The following DSCAM variants were observed in gnomAD, a reference collection of about 807,000 sequenced individuals.
The protein encoded by DSCAM is DS cell adhesion molecule, also known as cell adhesion molecule DSCAM.
In DSCAM, 47 loss-of-function variants were observed where a neutral mutation model predicts 217.7. That is an observed-to-expected ratio of 0.22 (90% CI 0.17 to 0.28). The LOEUF is 0.28. Ranked by LOEUF, DSCAM falls within the 10% of genes least tolerant of loss-of-function variation. DSCAM has a pLI of 1.00. For synonymous variants in DSCAM, 1,056 were observed against 1,015.3 expected, an observed-to-expected ratio of 1.04 and a Z score of -0.76; for missense variants, 2,080 against 2,618.3, an observed-to-expected ratio of 0.79 and a Z score of 4.49.
intron 18 of DSCAM, among the ~76,000 whole-genome samples, chr21:40,139,252 CCA>C (rs529001872): frequency 7.3e-5 from 11 of 151,708 alleles, no homozygotes; most frequent in Non-Finnish European, 1.6e-4. Flanking sequence ...GAGGACGTAC[CCA>C]CAACACAGCT....
intron 3 of DSCAM, among the ~76,000 whole-genome samples, chr21:40,498,634 A>G (rs952622617): frequency 4.6e-5 from 6 of 129,676 alleles, no homozygotes; most frequent in African/African-American, 1.4e-4. Context: ...CACTATGTAT[A>G]TATATATATA....
chr21:40,687,813 C>T (rs2090497369), intron 3 of DSCAM, among the ~76,000 whole-genome samples: 1 of 152,158 alleles, frequency 6.6e-6, no homozygotes, highest in Non-Finnish European at 1.5e-5. Flanking sequence ...AGGGACAGTG[C>T]AGGAATCTCC....
chr21:40,437,298 A>C (rs923652879), intron 3 of DSCAM, among the ~76,000 whole-genome samples: 10 of 152,128 alleles, frequency 6.6e-5, no homozygotes, highest in Non-Finnish European at 1.3e-4. Context: ...AAGAATCACA[A>C]GGGGGATTCA....
At chr21:40,039,317 AAAAG>A (rs2088698431) in intron 32 of DSCAM, among the ~76,000 whole-genome samples, 5 of 152,180 alleles carry the variant, frequency 3.3e-5, no homozygotes, top group African/African-American at 1.2e-4. Flanking sequence ...ATCAAAAAAA[AAAAG>A]AATGGAAAAT....
At chr21:40,756,472 A>G (rs2091277493) in intron 1 of DSCAM, among the ~76,000 whole-genome samples, 1 of 151,990 alleles carries the variant, frequency 6.6e-6, no homozygotes, top group South Asian at 2.1e-4. Flanking sequence ...GTTCATTGCA[A>G]TCTCTGCCTC....
At chr21:40,300,222 T>C (rs898930280) in intron 9 of DSCAM, among the ~76,000 whole-genome samples, 6 of 152,098 alleles carry the variant, frequency 3.9e-5, no homozygotes, top group Admixed American at 3.9e-4. Flanking sequence ...CATTAGCTTA[T>C]ATCACAGGTA....
chr21:40,121,003 G>C (rs2090026908), intron 20 of DSCAM, among the ~76,000 whole-genome samples: 1 of 152,064 alleles, frequency 6.6e-6, no homozygotes, highest in African/African-American at 2.4e-5. Context: ...TTATAAAAGG[G>C]ACCAAATTAC....
At chr21:40,121,401 C>T (rs555419108) in intron 20 of DSCAM, among the ~76,000 whole-genome samples, 8 of 152,218 alleles carry the variant, frequency 5.3e-5, no homozygotes, top group East Asian at 3.9e-4. Context: ...AAATAGGTCT[C>T]GTGCTCTTAA....
Position 40,631,675 on chromosome 21 carries a change from T to C in DSCAM, c.508+61135A>G, listed in dbSNP as rs542620121. ...TCCAGCACATTTAGGTGGTGTTCCA[T>C]GTTTACTGGAATGAATCTGGATGAT... On this transcript the variant is annotated intron_variant, in intron 3 of 32. Transcript: ENST00000400454. Among the ~76,000 whole-genome samples the C allele has an allele frequency of 9.6e-4, 146 of 152,318 alleles. 2 individuals carry two copies. The highest frequency in any genetic ancestry group is 6.2e-3 in the South Asian group (30 of 4,824).
intron 32 of DSCAM, among the ~76,000 whole-genome samples, chr21:40,028,729 A>C (rs545242657): frequency 2.0e-5 from 3 of 152,110 alleles, no homozygotes; most frequent in African/African-American, 7.2e-5. Flanking sequence ...GTGCGCACCC[A>C]CTGTCTGGCA....
intron 2 of DSCAM, among the ~76,000 whole-genome samples, chr21:40,693,407 G>C (rs1216709635): frequency 6.6e-6 from 1 of 152,014 alleles, no homozygotes; most frequent in Non-Finnish European, 1.5e-5. Flanking sequence ...CACCCAGCCT[G>C]GGTGAAGAAA....
intron 1 of DSCAM, among the ~76,000 whole-genome samples, chr21:40,749,788 C>T (rs759168516): frequency 2.0e-5 from 3 of 152,112 alleles, no homozygotes; most frequent in Non-Finnish European, 2.9e-5. Context: ...TTTACTCCAG[C>T]GCTGTTCACA....
chr21:40,430,086 C>T (rs186853011), intron 3 of DSCAM, among the ~76,000 whole-genome samples: 22 of 152,318 alleles, frequency 1.4e-4, no homozygotes, highest in Middle Eastern at 3.4e-3. Flanking sequence ...GGGGGCTGGT[C>T]GCTGCTTGTC....
intron 9 of DSCAM, among the ~76,000 whole-genome samples, chr21:40,303,080 A>G (rs2074033991): frequency 6.6e-6 from 1 of 152,090 alleles, no homozygotes; most frequent in South Asian, 2.1e-4. Flanking sequence ...TGGAGGTGGG[A>G]GGGGGTGCAT....
At chr21:40,356,356 G>A (rs190605915) in intron 4 of DSCAM, among the ~76,000 whole-genome samples, 121 of 149,614 alleles carry the variant, frequency 8.1e-4, no homozygotes, top group Non-Finnish European at 1.3e-3. Context: ...TTAACTATGT[G>A]AGGCAATAGA....
chr21:40,175,825 G>GCA (rs199994604), intron 15 of DSCAM, among the ~76,000 whole-genome samples: 2 of 116,938 alleles, frequency 1.7e-5, no homozygotes, highest in Non-Finnish European at 3.7e-5. Flanking sequence ...ACACACACAC[G>GCA]CACACACACA....
intron 2 of DSCAM, among the ~76,000 whole-genome samples, chr21:40,694,794 G>C (rs903057432): frequency 6.6e-6 from 1 of 151,892 alleles, no homozygotes; most frequent in Non-Finnish European, 1.5e-5. Context: ...AACTGACTTT[G>C]TACAGAAAGG....
At chr21:40,603,925 C>CTTTTTT (rs3070814) in intron 3 of DSCAM, among the ~76,000 whole-genome samples, 12 of 97,306 alleles carry the variant, frequency 1.2e-4, no homozygotes, top group African/African-American at 2.8e-4. Flanking sequence ...TTTTGCATTT[C>CTTTTTT]TTTTTTTTTT....
intron 3 of DSCAM, among the ~76,000 whole-genome samples, chr21:40,554,118 T>G (rs9983654): frequency 1.3e-5 from 2 of 151,580 alleles, no homozygotes; most frequent in Non-Finnish European, 2.9e-5. Flanking sequence ...ACAATCCTCC[T>G]GCCTCAGTGT....
Sources: gnomAD v4.1 joint callset for allele counts (sites outside exome capture counted in the v4.1 genomes callset) on GRCh38, gnomAD v4.1.1 for gene constraint, MANE v1.5 for transcripts, NCBI Gene and HGNC (gene_info 2026-07-23, HGNC 2026-07-21) for gene names.